CCDC62: variants seen among roughly 807,000 people sequenced by gnomAD.
CCDC62 encodes coiled-coil domain-containing protein 62.
In CCDC62, 72 loss-of-function variants were observed where a neutral mutation model predicts 80.8. That is an observed-to-expected ratio of 0.89 (90% CI 0.74 to 1.08). CCDC62 has a LOEUF of 1.08. Among genes scored for constraint, CCDC62 ranks in the 50% least tolerant of loss-of-function variants. The pLI is 0.00. For missense variants in CCDC62, 704 were observed against 809.4 expected, an observed-to-expected ratio of 0.87 and a Z score of 1.58; for synonymous variants, 286 against 296.5, an observed-to-expected ratio of 0.96 and a Z score of 0.36.
chr12:122,802,092 C>A (rs986360600), intron 9 of CCDC62, among the ~76,000 whole-genome samples: 2 of 152,044 alleles, frequency 1.3e-5, no homozygotes, highest in African/African-American at 4.8e-5. Context: ...GCTTCTGAGG[C>A]AAAGGTTTTG....
chr12:122,784,319 G>C (rs186196617), intron 3 of CCDC62, among the ~76,000 whole-genome samples: 1 of 152,000 alleles, frequency 6.6e-6, no homozygotes, highest in East Asian at 1.9e-4. Context: ...TCAGGAGTTC[G>C]AGACCAGCCT....
intron 6 of CCDC62, 33 bp from the exon 7 acceptor site, chr12:122,797,274 T>C (rs1056241885): frequency 1.9e-6 from 2 of 1,037,550 alleles, no homozygotes; most frequent in Admixed American, 3.4e-5. Flanking sequence ...CTATAGCTGA[T>C]GAAAAATGTT....
At chr12:122,794,924 G>C (rs553113834) in intron 6 of CCDC62, among the ~76,000 whole-genome samples, 166 of 152,212 alleles carry the variant, frequency 1.1e-3, no homozygotes, top group African/African-American at 3.9e-3. Context: ...TCCTGCCTTG[G>C]CCTCCCAAAG....
rs185393053 is a variant in CCDC62 at position 122,779,417 on chromosome 12, G to A, written c.229+1734G>A. ...TACAGCCCAGCAAAGCCACTTCTAG[G>A]AATATTCTCACCCTTTAATAGACAC... On this transcript the variant is annotated intron_variant, in intron 2 of 12. Transcript: ENST00000253079. Among the ~76,000 whole-genome samples, 220 of 152,190 alleles carry A rather than the reference G, an allele frequency of 1.4e-3. 1 individual carries two copies. Among genetic ancestry groups the A allele is most frequent in the Non-Finnish European group, 1.6e-4 (11 of 68,012 alleles).
At chr12:122,783,508 G>A (rs1466448379) in intron 3 of CCDC62, among the ~76,000 whole-genome samples, 2 of 152,170 alleles carry the variant, frequency 1.3e-5, no homozygotes, top group East Asian at 3.9e-4. Flanking sequence ...TTACAGGTGT[G>A]AGCCACCGCG....
chr12:122,774,691 C>T lies in CCDC62; in HGVS notation c.21C>T (p.Phe7=), dbSNP rs748975984. The change falls in exon 1 of 13, where the codon TTC becomes TTT. Residue 7 remains phenylalanine (F), a synonymous_variant. Transcript: ENST00000253079. MNPPAA[F]LAGRQNIGSE... ...CACCTATGAACCCTCCGGCAGCCTT[C>T]CTTGCCGGGCGCCAGGTAAGCAGCG... is the stretch of plus-strand genomic sequence containing the variant. The T allele has an allele frequency of 3.1e-5, 39 of 1,256,774 alleles. No individual in the cohort carries two copies. The African/African-American group carries it at 5.4e-4, about 17-fold the overall frequency. 77.9% of individuals were successfully genotyped at this position (1,256,774 alleles called of 1,614,324 possible).
chr12:122,801,598 A>G lies in CCDC62; in HGVS notation c.1452A>G (p.Val484=). 1 of 1,614,204 alleles carries G rather than the reference A, an allele frequency of 6.2e-7. No homozygotes were observed. Among genetic ancestry groups the G allele is most frequent in the Non-Finnish European group, 8.5e-7 (1 of 1,180,046 alleles). The part of the protein sequence containing the change: ...PSSKHPEKLD[V]ECQDQMERSE... ...CAAAACATCCAGAAAAGCTGGATGT[A>G]GAATGTCAAGATCAGATGGAAAGGT... is the stretch of plus-strand genomic sequence containing the variant. Residue 484 remains valine (V), a synonymous_variant, in exon 9 of 13, where the codon GTA becomes GTG. Transcript: ENST00000253079.
At chr12:122,812,773 GAGAGAGAAAGAAAGAA>G (rs1418541757) in intron 10 of CCDC62, among the ~76,000 whole-genome samples, 4,839 of 68,440 alleles carry the variant, frequency 0.071, 161 homozygotes, top group African/African-American at 0.12. Context: ...GAGAGAGAGA[GAGAGAGAAAGAAAGAA>G]AGAAAGAAAG....
At chr12:122,781,460 TG>T in intron 3 of CCDC62, 130 bp downstream of exon 3, 1 of 772,926 alleles carries the variant, frequency 1.3e-6, no homozygotes, top group Non-Finnish European at 2.1e-6. Context: ...CCGAGGCAGG[TG>T]GATCACCTGA....
Position 122,792,162 on chromosome 12 carries a change from AATG to A in CCDC62, c.772+46_772+48del, listed in dbSNP as rs1444627081. 11 of 1,220,628 alleles carry A rather than the reference AATG, an allele frequency of 9.0e-6. 1 individual carries two copies. The Admixed American group carries it at 1.9e-4, about 21-fold the overall frequency. The allele number at this position is 1,220,628 out of a possible 1,614,324, so 75.6% of individuals were successfully genotyped here. On this transcript the variant is annotated intron_variant, in intron 6 of 12. Transcript: ENST00000253079. Reference sequence around the variant, plus strand: ...GAATGTATTTGTAACCTAGACTTGCAATGATGACAGGCTGAAGGAATTATACCT... The same window carrying A: ...GAATGTATTTGTAACCTAGACTTGCAATGACAGGCTGAAGGAATTATACCT...
intron 10 of CCDC62, among the ~76,000 whole-genome samples, chr12:122,806,977 GA>G (rs2031640994): frequency 6.6e-6 from 1 of 152,094 alleles, no homozygotes; most frequent in Admixed American, 6.6e-5. Context: ...AGTGTCTAGA[GA>G]GACCCAGGTG....
intron 10 of CCDC62, among the ~76,000 whole-genome samples, chr12:122,810,524 G>A (rs190832809): frequency 0.014 from 2,026 of 149,214 alleles, 16 homozygotes; most frequent in Admixed American, 0.021. Context: ...GAAACAGCAG[G>A]TGCTGGAGAG....
At chr12:122,785,902 G>T (rs1236057168) in intron 4 of CCDC62, 82 bp downstream of exon 4, 4 of 929,702 alleles carry the variant, frequency 4.3e-6, no homozygotes, top group Non-Finnish European at 6.9e-6. Flanking sequence ...AAGTCGCTAG[G>T]ATCCCAGAAA....
chr12:122,798,647 C>T lies in CCDC62; in HGVS notation c.977+447C>T, dbSNP rs1419902648. Among the ~76,000 whole-genome samples the T allele has an allele frequency of 3.3e-5, 5 of 150,640 alleles. No homozygotes were observed. In the East Asian group the frequency reaches 5.8e-4, roughly 18 times the overall value. Reference sequence around the variant, plus strand: ...AATATAAAAATTAGCTGGGCGTGTTCGCGGGTATATGTAATCCCAGCTACT... The same window carrying T: ...AATATAAAAATTAGCTGGGCGTGTTTGCGGGTATATGTAATCCCAGCTACT... On this transcript the variant is annotated intron_variant, in intron 8 of 12. Coordinates refer to ENST00000253079, the MANE Select transcript of CCDC62 (RefSeq NM_201435.5).
rs550326003 is a variant in CCDC62 at position 122,777,714 on chromosome 12, G to A, written c.229+31G>A. The A allele has an allele frequency of 3.1e-6, 5 of 1,589,262 alleles. No homozygotes were observed. The African/African-American group carries it at 4.0e-5, about 13-fold the overall frequency. ...AAATACATTCAGGGACAACAGTTAT[G>A]CACTTCTGTGTGCTAACACATTGAT... is the stretch of plus-strand genomic sequence containing the variant. On this transcript the variant is annotated intron_variant, in intron 2 of 12. Transcript: ENST00000253079.
chr12:122,774,682 G>A lies in CCDC62; in HGVS notation c.12G>A (p.Pro4=), dbSNP rs369682662. The A allele has an allele frequency of 2.4e-6, 3 of 1,256,276 alleles. No homozygotes were observed. Among genetic ancestry groups the A allele is most frequent in the Non-Finnish European group, 3.0e-6 (3 of 991,410 alleles). 77.8% of individuals were successfully genotyped at this position (1,256,276 alleles called of 1,614,324 possible). The change falls in exon 1 of 13, where the codon CCG becomes CCA. Residue 4 remains proline (P), a synonymous_variant. Transcript: ENST00000253079. ...CGGAGGAAACACCTATGAACCCTCC[G>A]GCAGCCTTCCTTGCCGGGCGCCAGG... MNP[P]AAFLAGRQNI... is the part of the protein sequence containing the mutation.
At chr12:122,821,625 T>A (rs955719712) in intron 11 of CCDC62, among the ~76,000 whole-genome samples, 3 of 151,416 alleles carry the variant, frequency 2.0e-5, no homozygotes, top group African/African-American at 7.3e-5. Flanking sequence ...AATTTTTTTT[T>A]AAGTGTATTT....
intron 11 of CCDC62, among the ~76,000 whole-genome samples, chr12:122,814,903 C>T (rs2032099635): frequency 6.6e-6 from 1 of 152,062 alleles, no homozygotes; most frequent in East Asian, 1.9e-4. Flanking sequence ...GTGATCACAG[C>T]TCACTGCAGC....
At chr12:122,813,245 A>G in intron 10 of CCDC62, 25 bp from the exon 11 acceptor site, 2 of 1,583,302 alleles carry the variant, frequency 1.3e-6, no homozygotes, top group Non-Finnish European at 1.7e-6. Context: ...CTAAGCATTT[A>G]AAGGTGCCTC....
Sources: allele counts gnomAD v4.1 joint callset (sites outside exome capture counted in the v4.1 genomes callset), GRCh38; gene constraint gnomAD v4.1.1; transcripts MANE v1.5; gene names NCBI Gene and HGNC (gene_info 2026-07-23, HGNC 2026-07-21).